NUCB2: variants seen among roughly 807,000 people sequenced by gnomAD.
The protein encoded by NUCB2 is nucleobindin 2, also known as nucleobindin-2.
NUCB2 carries 48 observed loss-of-function variants against 57.9 expected under a neutral mutation model. That is an observed-to-expected ratio of 0.83 (90% CI 0.66 to 1.05). The LOEUF is 1.05. Ranked by LOEUF, NUCB2 falls within the 50% of genes least tolerant of loss-of-function variation. The pLI, the probability that NUCB2 is intolerant of heterozygous loss-of-function variation, is 0.00. For missense variants in NUCB2, 442 were observed against 476.2 expected, an observed-to-expected ratio of 0.93 and a Z score of 0.67; for synonymous variants, 139 against 152.1, an observed-to-expected ratio of 0.91 and a Z score of 0.64.
chr11:17,319,601 TACAC>T (rs1201061916), intron 11 of NUCB2, among the ~76,000 whole-genome samples: 3 of 152,196 alleles, frequency 2.0e-5, no homozygotes, highest in African/African-American at 7.2e-5. Flanking sequence ...CATGCACACA[TACAC>T]ACATATACCC....
chr11:17,293,966 A>T (rs1367796179), intron 2 of NUCB2, among the ~76,000 whole-genome samples: 4 of 152,246 alleles, frequency 2.6e-5, no homozygotes, highest in Non-Finnish European at 5.9e-5. Flanking sequence ...AAAATTAGAT[A>T]GTAGAGATGG....
At chr11:17,323,575 C>T (rs966897265) in intron 11 of NUCB2, among the ~76,000 whole-genome samples, 3 of 152,060 alleles carry the variant, frequency 2.0e-5, no homozygotes, top group Non-Finnish European at 2.9e-5. Context: ...CAGGGTAGTA[C>T]GAGCCTTGTC....
At chr11:17,343,560 T>C (rs898788436) in intron 2 of NUCB2, among the ~76,000 whole-genome samples, 5 of 152,222 alleles carry the variant, frequency 3.3e-5, no homozygotes, top group Non-Finnish European at 7.3e-5. Context: ...CATGCTGTCC[T>C]CCATTGTTAA....
chr11:17,288,598 G>C (rs1591249382), intron 2 of NUCB2, among the ~76,000 whole-genome samples: 1 of 125,670 alleles, frequency 8.0e-6, no homozygotes, highest in African/African-American at 3.2e-5. Flanking sequence ...GCCCAGACTG[G>C]AGTGCAGTGG....
At chr11:17,307,828 T>C (rs994166750) in intron 5 of NUCB2, among the ~76,000 whole-genome samples, 17 of 152,184 alleles carry the variant, frequency 1.1e-4, no homozygotes, top group Non-Finnish European at 1.5e-5. Flanking sequence ...GTAATTTTGA[T>C]AGATATTGCC....
chr11:17,278,085 C>T (rs1329155065), intron 1 of NUCB2, among the ~76,000 whole-genome samples: 1 of 149,936 alleles, frequency 6.7e-6, no homozygotes, highest in Non-Finnish European at 1.5e-5. Flanking sequence ...TTTAACTAGA[C>T]AATTTTAGAA....
chr11:17,299,298 A>G (rs1476417162), intron 4 of NUCB2, among the ~76,000 whole-genome samples: 1 of 152,100 alleles, frequency 6.6e-6, no homozygotes, highest in Non-Finnish European at 1.5e-5. Context: ...TAGAGCCTGC[A>G]TTTCTGAAGT....
At chr11:17,348,733 T>G (rs892744150) in intron 2 of NUCB2, among the ~76,000 whole-genome samples, 5 of 152,026 alleles carry the variant, frequency 3.3e-5, no homozygotes, top group Non-Finnish European at 7.4e-5. Flanking sequence ...AAATTGTTGC[T>G]GAGGGGCAAC....
intron 4 of NUCB2, among the ~76,000 whole-genome samples, chr11:17,300,238 C>T (rs879492582): frequency 2.6e-5 from 4 of 152,124 alleles, no homozygotes; most frequent in African/African-American, 4.8e-5. Flanking sequence ...CTCAAAACTC[C>T]AGCGCTCAAA....
intron 2 of NUCB2, among the ~76,000 whole-genome samples, chr11:17,348,319 G>GGTTTTTTTTTTTT (rs1952917777): frequency 1.2e-5 from 1 of 84,450 alleles, no homozygotes; most frequent in African/African-American, 5.0e-5. Flanking sequence ...TTGTTTTTGT[G>GGTTTTTTTTTTTT]TTTTTTTTTT....
chr11:17,311,198 C>T lies in NUCB2; in HGVS notation c.675C>T (p.Ser225=), dbSNP rs1303825456. The change falls in exon 8 of 14, where the codon AGC becomes AGT. Residue 225 remains serine (S), a synonymous_variant. Transcript: ENST00000529010. ...ENHPKVNHPG[S]KDQLKEVWEE... is the part of the protein sequence containing the mutation. ...TTTTTAAAATTGGTTCACAGGGAAG[C>T]AAAGATCAACTAAAAGAGGTATGGG... 1 of 1,601,416 alleles carries T rather than the reference C, an allele frequency of 6.2e-7. No individual in the cohort carries two copies. Among genetic ancestry groups the T allele is most frequent in the Non-Finnish European group, 8.5e-7 (1 of 1,176,182 alleles).
At chr11:17,321,997 C>G (rs1444033944) in intron 11 of NUCB2, among the ~76,000 whole-genome samples, 2 of 152,086 alleles carry the variant, frequency 1.3e-5, no homozygotes, top group Admixed American at 1.3e-4. Context: ...TTATTAATCC[C>G]TTGTCAGATG....
intron 11 of NUCB2, among the ~76,000 whole-genome samples, chr11:17,321,682 C>T (rs1206505397): frequency 6.6e-6 from 1 of 152,104 alleles, no homozygotes; most frequent in Non-Finnish European, 1.5e-5. Context: ...CCACACTGTT[C>T]TCCATAGTGG....
At chr11:17,346,559 A>G (rs1299698437) in intron 2 of NUCB2, among the ~76,000 whole-genome samples, 2 of 152,242 alleles carry the variant, frequency 1.3e-5, no homozygotes, top group African/African-American at 4.8e-5. Context: ...TTCAAGAACC[A>G]TTTAATAAGA....
chr11:17,334,285 T>G (rs1181045987), downstream of NUCB2: 2 of 152,264 alleles, frequency 1.3e-5, no homozygotes, highest in Non-Finnish European at 2.9e-5. Flanking sequence ...AGGAATTATG[T>G]CACAAGAGTA....
chr11:17,331,347 T>C, intron 13 of NUCB2, 65 bp from the exon 14 acceptor site: 1 of 937,850 alleles, frequency 1.1e-6, no homozygotes. Flanking sequence ...TATTTGTATA[T>C]GAAGGAACAT....
In NUCB2 at chr11:17,330,578, C is replaced by G. The variant is rs1951268934; in HGVS notation, c.1173+281C>G. ...CAAACTCCTGGGCTCAAGTGATCCT[C>G]CCACCTCAGCCTCCCCAGTAGCTAG... On this transcript the variant is annotated intron_variant, in intron 12 of 13. Coordinates refer to ENST00000529010, the MANE Select transcript of NUCB2 (RefSeq NM_005013.4). The surrounding 1 kb of genome is among the most constrained non-coding windows in gnomAD (Gnocchi z 4.3). Among the ~76,000 whole-genome samples the G allele has an allele frequency of 6.6e-6, 1 of 152,170 alleles. No individual in the cohort carries two copies. Among genetic ancestry groups the G allele is most frequent in the African/African-American group, 2.4e-5 (1 of 41,442 alleles).
chr11:17,288,959 ATATATTT>A (rs1944445208), intron 2 of NUCB2, among the ~76,000 whole-genome samples: 1 of 66,928 alleles, frequency 1.5e-5, no homozygotes, highest in African/African-American at 8.9e-5. Flanking sequence ...ACATATATAT[ATATATTT>A]TTTTTTTTTG....
intron 2 of NUCB2, among the ~76,000 whole-genome samples, chr11:17,341,801 G>A (rs948631841): frequency 1.1e-4 from 16 of 152,148 alleles, no homozygotes; most frequent in African/African-American, 3.6e-4. Flanking sequence ...TCTCTGCCAG[G>A]CTTTGCTATC....
Sources: allele counts gnomAD v4.1 joint callset (sites outside exome capture counted in the v4.1 genomes callset), GRCh38; gene constraint gnomAD v4.1.1; non-coding constraint Gnocchi (gnomAD v3.1); transcripts MANE v1.5; gene names NCBI Gene and HGNC (gene_info 2026-07-23, HGNC 2026-07-21).